Variants in EVA1A observed in about 807,000 individuals in gnomAD.
EVA1A encodes eva-1 homolog A, regulator of programmed cell death.
A neutral mutation model predicts 9.8 loss-of-function variants in EVA1A; 7 were observed. The observed-to-expected ratio is 0.71, with a 90% CI of 0.41 to 1.34. EVA1A has a LOEUF of 1.34. Among genes scored for constraint, EVA1A ranks in the 40% most tolerant of loss-of-function variants. EVA1A has a pLI of 0.01. For missense variants in EVA1A, 206 were observed against 205.9 expected, an observed-to-expected ratio of 1.00 and a Z score of 0.00; for synonymous variants, 90 against 85.6, an observed-to-expected ratio of 1.05 and a Z score of -0.28.
chr2:75,500,704 A>C, intron 3 of EVA1A, among the ~76,000 whole-genome samples: 2 of 148,670 alleles, frequency 1.3e-5, no homozygotes, highest in South Asian at 2.2e-4. Flanking sequence ...CTCTCTCTCT[A>C]TCCCTTTCTT....
intron 3 of EVA1A, among the ~76,000 whole-genome samples, chr2:75,501,368 T>G (rs1290408457): frequency 6.6e-6 from 1 of 152,230 alleles, no homozygotes; most frequent in Non-Finnish European, 1.5e-5. Flanking sequence ...CTAAAGGAAT[T>G]TTCTTAGAGT....
At chr2:75,516,601 G>A (rs1006238501) in intron 3 of EVA1A, among the ~76,000 whole-genome samples, 2 of 152,360 alleles carry the variant, frequency 1.3e-5, no homozygotes, top group South Asian at 2.1e-4. Flanking sequence ...TCAGGGTCAT[G>A]TTGACTGAAA....
At chr2:75,499,183 C>A (rs115607416) in intron 3 of EVA1A, among the ~76,000 whole-genome samples, 1,807 of 152,234 alleles carry the variant, frequency 0.012, 37 homozygotes, top group African/African-American at 0.042. Context: ...GGGTTAAATC[C>A]AATAATTGCC....
At chr2:75,543,254 G>C (rs982855674) in intron 1 of EVA1A, among the ~76,000 whole-genome samples, 5 of 152,094 alleles carry the variant, frequency 3.3e-5, no homozygotes, top group African/African-American at 1.2e-4. Flanking sequence ...ATTTTAAAAA[G>C]GCAATCACTT....
chr2:75,517,097 C>T (rs79565960), intron 3 of EVA1A, among the ~76,000 whole-genome samples: 3,252 of 151,966 alleles, frequency 0.021, 114 homozygotes, highest in African/African-American at 0.074. Flanking sequence ...TCAGGTTGCG[C>T]GTCATCCAAG....
chr2:75,541,200 C>T (rs895770444), intron 1 of EVA1A, among the ~76,000 whole-genome samples: 1 of 152,178 alleles, frequency 6.6e-6, no homozygotes, highest in East Asian at 1.9e-4. Context: ...TGTCAACAAT[C>T]GGCAACCACA....
At chr2:75,547,171 C>T (rs3962002) in intron 1 of EVA1A, among the ~76,000 whole-genome samples, 90,729 of 152,118 alleles carry the variant, frequency 0.6, 28,051 homozygotes, top group African/African-American at 0.74. Flanking sequence ...GGTATTTGTC[C>T]TCCCTACGTG....
chr2:75,529,742 AGTG>A (rs1408915620), intron 1 of EVA1A, among the ~76,000 whole-genome samples: 1 of 152,180 alleles, frequency 6.6e-6, no homozygotes, highest in East Asian at 1.9e-4. Flanking sequence ...ATACAGCAAA[AGTG>A]GTGCTAAGAG....
intron 1 of EVA1A, among the ~76,000 whole-genome samples, chr2:75,536,830 A>C (rs1675921886): frequency 6.6e-6 from 1 of 152,172 alleles, no homozygotes; most frequent in Non-Finnish European, 1.5e-5. Flanking sequence ...GCTCCAAAAA[A>C]AAACAACTTC....
At chr2:75,518,489 G>A (rs1373524532) in intron 2 of EVA1A, among the ~76,000 whole-genome samples, 4 of 152,120 alleles carry the variant, frequency 2.6e-5, no homozygotes, top group Non-Finnish European at 5.9e-5. Flanking sequence ...CCAGCCAGTG[G>A]GGCCACAAAG....
intron 3 of EVA1A, among the ~76,000 whole-genome samples, chr2:75,494,039 G>C (rs990621): frequency 0.015 from 2,262 of 152,278 alleles, 21 homozygotes; most frequent in Non-Finnish European, 0.024. Flanking sequence ...CACAGTGGTA[G>C]ACAGCTTCTG....
intron 3 of EVA1A, among the ~76,000 whole-genome samples, chr2:75,498,244 C>T (rs1296407492): frequency 2.7e-5 from 4 of 149,088 alleles, no homozygotes; most frequent in Non-Finnish European, 5.9e-5. Context: ...AAATCAAATA[C>T]TGCATGTTGT....
chr2:75,549,360 T>C (rs1009180363), intron 1 of EVA1A, among the ~76,000 whole-genome samples: 2 of 152,142 alleles, frequency 1.3e-5, no homozygotes, highest in Non-Finnish European at 2.9e-5. Flanking sequence ...CACACCTTCC[T>C]GGGGAAGCAC....
chr2:75,515,457 G>A (rs1429380891), intron 3 of EVA1A, among the ~76,000 whole-genome samples: 1 of 152,234 alleles, frequency 6.6e-6, no homozygotes, highest in Non-Finnish European at 1.5e-5. Context: ...TGTACAGAGT[G>A]AGAAAGGGTC....
upstream of EVA1A, among the ~76,000 whole-genome samples, chr2:75,563,011 C>T (rs1402448775): frequency 6.6e-6 from 1 of 152,216 alleles, no homozygotes; most frequent in African/African-American, 2.4e-5. Context: ...GAAAGGACAC[C>T]TGGAAGCACT....
chr2:75,564,219 C>T (rs1052731454), upstream of EVA1A, among the ~76,000 whole-genome samples: 8 of 152,142 alleles, frequency 5.3e-5, no homozygotes, highest in South Asian at 2.1e-4. Flanking sequence ...GAGGTTGGAA[C>T]GCACAGGCTG....
intron 3 of EVA1A, among the ~76,000 whole-genome samples, chr2:75,516,821 G>C (rs889360123): frequency 4.6e-5 from 7 of 152,176 alleles, no homozygotes; most frequent in African/African-American, 1.7e-4. Flanking sequence ...TTGTGAAAAC[G>C]ATGTCTGAAT....
chr2:75,518,450 G>C (rs1315378135), intron 2 of EVA1A, among the ~76,000 whole-genome samples: 1 of 152,088 alleles, frequency 6.6e-6, no homozygotes, highest in African/African-American at 2.4e-5. Context: ...AAACTAGCCA[G>C]GCTCCTAAAG....
chr2:75,556,647 T>C (rs1187926183), intron 1 of EVA1A, among the ~76,000 whole-genome samples: 1 of 152,178 alleles, frequency 6.6e-6, no homozygotes, highest in African/African-American at 2.4e-5. Flanking sequence ...GGGAAGGCAG[T>C]GCTATAGGGC....
Sources: allele counts gnomAD v4.1 joint callset (sites outside exome capture counted in the v4.1 genomes callset), GRCh38; gene constraint gnomAD v4.1.1; transcripts MANE v1.5; gene names NCBI Gene and HGNC (gene_info 2026-07-23, HGNC 2026-07-21).